LRIF1: variants seen among roughly 807,000 people sequenced by gnomAD.
LRIF1 encodes ligand dependent nuclear receptor interacting factor 1, also known as ligand-dependent nuclear receptor-interacting factor 1.
A neutral mutation model predicts 52.7 loss-of-function variants in LRIF1; 32 were observed. The observed-to-expected ratio is 0.61, with a 90% CI of 0.46 to 0.82. The LOEUF is 0.82. Among genes scored for constraint, LRIF1 ranks in the 40% least tolerant of loss-of-function variants. The pLI, the probability that LRIF1 is intolerant of heterozygous loss-of-function variation, is 0.00. For synonymous variants in LRIF1, 323 were observed against 317.4 expected (o/e 1.02, Z -0.19); for missense variants, 887 against 892.0 (o/e 0.99, Z 0.07).
At chr1:110,882,805 G>A in the LRIF1 span, among the ~76,000 whole-genome samples, 1 of 151,958 alleles carries the variant, frequency 6.6e-6, no homozygotes, top group Non-Finnish European at 1.5e-5. Context: ...TTATGCCTAA[G>A]TATTTCATAT....
chr1:110,950,240 G>T, intron 2 of LRIF1, 117 bp from the exon 3 acceptor site: 1 of 1,250,104 alleles, frequency 8.0e-7, no homozygotes, highest in Non-Finnish European at 1.1e-6. Context: ...TTTATGATTG[G>T]TTTGTATTAT....
At chr1:110,918,626 A>G in the LRIF1 span, among the ~76,000 whole-genome samples, 1 of 152,190 alleles carries the variant, frequency 6.6e-6, no homozygotes, top group South Asian at 2.1e-4. Context: ...AGAATGGACA[A>G]CTTGAAGAGA....
At chr1:110,936,834 C>A in the LRIF1 span, 1 of 151,824 alleles carries the variant, frequency 6.6e-6, no homozygotes, top group Non-Finnish European at 1.5e-5. Context: ...CTGTTGCCTA[C>A]AAGAAACACA....
chr1:110,906,969 G>A, the LRIF1 span, among the ~76,000 whole-genome samples: 2 of 152,172 alleles, frequency 1.3e-5, no homozygotes, highest in Non-Finnish European at 2.9e-5. Context: ...AATAGTTTAT[G>A]TTGTTTCAGG....
intron 1 of LRIF1, among the ~76,000 whole-genome samples, chr1:110,958,985 T>C (rs1658834501): frequency 6.6e-6 from 1 of 152,212 alleles, no homozygotes; most frequent in Admixed American, 6.5e-5. Context: ...GTTTTTCATA[T>C]CTAGAAGGAG....
the LRIF1 span, among the ~76,000 whole-genome samples, chr1:110,890,972 G>T: frequency 6.6e-6 from 1 of 152,252 alleles, no homozygotes; most frequent in Non-Finnish European, 1.5e-5. Flanking sequence ...GAGTATTTAA[G>T]AAACTGGCTG....
At chr1:110,942,414 T>C (rs1360354260), downstream of LRIF1, 2 of 152,124 alleles carry the variant, frequency 1.3e-5, no homozygotes, top group Non-Finnish European at 2.9e-5. Context: ...TATGTTTCGT[T>C]TCTCATTTCT....
chr1:110,887,432 T>G, the LRIF1 span, among the ~76,000 whole-genome samples: 1 of 152,234 alleles, frequency 6.6e-6, no homozygotes, highest in Non-Finnish European at 1.5e-5. Context: ...GGTTTTCATC[T>G]ATCGCCATAT....
the LRIF1 span, chr1:110,896,677 A>G: frequency 6.2e-7 from 1 of 1,613,568 alleles, no homozygotes; most frequent in Non-Finnish European, 8.5e-7. Context: ...TATAAATGGC[A>G]CGAGTGATTG....
At chr1:110,893,354 C>T in the LRIF1 span, among the ~76,000 whole-genome samples, 1 of 152,076 alleles carries the variant, frequency 6.6e-6, no homozygotes, top group Non-Finnish European at 1.5e-5. Context: ...TGGAGTTTCA[C>T]TCTTGTTGCC....
the LRIF1 span, among the ~76,000 whole-genome samples, chr1:110,886,869 A>ATATATATATATATATATATATTTTTT: frequency 3.6e-5 from 3 of 82,798 alleles, no homozygotes; most frequent in African/African-American, 1.6e-4. Flanking sequence ...ATATATATAT[A>ATATATATATATATATATATATTTTTT]TTTTTTTTTT....
chr1:110,930,557 C>T, the LRIF1 span, among the ~76,000 whole-genome samples: 1 of 152,046 alleles, frequency 6.6e-6, no homozygotes, highest in Non-Finnish European at 1.5e-5. Flanking sequence ...CTTATAAGGA[C>T]TCTAATATTA....
chr1:110,897,882 G>T, the LRIF1 span: 2 of 1,601,120 alleles, frequency 1.2e-6, no homozygotes, highest in South Asian at 1.1e-5. Context: ...ATCTGTGTAT[G>T]TGTGATTGAG....
chr1:110,891,447 G>T, the LRIF1 span: 1 of 1,613,924 alleles, frequency 6.2e-7, no homozygotes, highest in Admixed American at 1.7e-5. Context: ...AGTATGTCCT[G>T]TTTTTCTTCA....
chr1:110,902,330 A>T, the LRIF1 span, among the ~76,000 whole-genome samples: 1 of 152,194 alleles, frequency 6.6e-6, no homozygotes, highest in African/African-American at 2.4e-5. Context: ...TCACCAAAAT[A>T]ATACAGCACA....
At chr1:110,941,467 T>G in the LRIF1 span, 2 of 152,060 alleles carry the variant, frequency 1.3e-5, no homozygotes, top group Non-Finnish European at 2.9e-5. Flanking sequence ...CTAATGTACA[T>G]GTAAAGGTAG....
chr1:110,943,692 A>T (rs912238191), downstream of LRIF1: 1 of 152,154 alleles, frequency 6.6e-6, no homozygotes, highest in Non-Finnish European at 1.5e-5. Context: ...ATGTCTGGAT[A>T]TCTGGCCACT....
At chr1:110,925,451 A>C in the LRIF1 span, among the ~76,000 whole-genome samples, 12 of 152,142 alleles carry the variant, frequency 7.9e-5, no homozygotes, top group African/African-American at 2.7e-4. Flanking sequence ...ACACATACAC[A>C]TACACACTCT....
the LRIF1 span, among the ~76,000 whole-genome samples, chr1:110,907,851 A>G: frequency 1.1e-4 from 17 of 152,324 alleles, no homozygotes; most frequent in Non-Finnish European, 2.5e-4. Flanking sequence ...GCACCTTACC[A>G]TTAGCATACT....
Sources: allele counts gnomAD v4.1 joint callset (sites outside exome capture counted in the v4.1 genomes callset), GRCh38; gene constraint gnomAD v4.1.1; transcripts MANE v1.5; gene names NCBI Gene and HGNC (gene_info 2026-07-23, HGNC 2026-07-21).